The following SLC9A1 variants were observed in gnomAD, a reference collection of about 807,000 sequenced individuals.
SLC9A1 encodes the protein solute carrier family 9 member A1, also known as sodium/hydrogen exchanger 1.
SLC9A1 carries 22 observed loss-of-function variants against 67.9 expected under a neutral mutation model. The ratio of observed to expected loss-of-function variants is 0.32; its 90% CI spans 0.23 to 0.46. The LOEUF (loss-of-function observed/expected upper bound fraction) is 0.46. SLC9A1 is among the 20% of genes least tolerant of loss of function. The probability of loss-of-function intolerance (pLI) is 1.00; values close to 1 mark genes in which losing one functional copy is unlikely to be tolerated. For missense variants in SLC9A1, 686 were observed against 1,094.8 expected (o/e 0.63, Z 5.27); for synonymous variants, 421 against 471.8 (o/e 0.89, Z 1.40).
At chr1:27,108,050 G>A (rs2083201955) in intron 3 of SLC9A1, among the ~76,000 whole-genome samples, 185 bp from the exon 4 acceptor site, 2 of 151,070 alleles carry the variant, frequency 1.3e-5, no homozygotes, top group African/African-American at 4.9e-5. Context: ...TATAGACACG[G>A]TGTATTCCTC....
chr1:27,120,696 C>T (rs1314660881), intron 1 of SLC9A1, among the ~76,000 whole-genome samples: 1 of 151,988 alleles, frequency 6.6e-6, no homozygotes, highest in Non-Finnish European at 1.5e-5. Context: ...CGAGATCACA[C>T]CATGGCACTC....
In SLC9A1 at chr1:27,154,442, GAA is replaced by G. The variant is rs1267873247; in HGVS notation, c.-110_-109del. 9.2e-6 allele frequency: 6 copies of G among 652,644 alleles called. No homozygotes were observed. The highest frequency in any genetic ancestry group is 1.2e-5 in the Non-Finnish European group (5 of 402,498). The allele number at this position is 652,644 out of a possible 1,614,324, so 40.4% of individuals were successfully genotyped here. A position where few individuals can be genotyped will look rare whatever the true frequency, so the allele number is the denominator to read the frequency against. On this transcript the variant is annotated 5_prime_UTR_variant, in exon 1 of 12. An upstream open reading frame in the 5' UTR loses its in-frame stop. Coordinates refer to ENST00000263980, the MANE Select transcript of SLC9A1 (RefSeq NM_003047.5). ...GAAGAGAGACTGGCGTAGTCTCTAG[GAA>G]AAGTTCATGTTTTAGAGAGGCATTT...
At chr1:27,126,228 C>T (rs1570868619) in intron 1 of SLC9A1, among the ~76,000 whole-genome samples, 1 of 150,948 alleles carries the variant, frequency 6.6e-6, no homozygotes, top group East Asian at 1.9e-4. Context: ...CTGACCGTTC[C>T]CCACCCAGAA....
In SLC9A1 at chr1:27,106,054, A is replaced by G. The variant is rs1460141433; in HGVS notation, c.1316T>C (p.Phe439Ser). 9 of 1,613,406 alleles carry G rather than the reference A, an allele frequency of 5.6e-6. No homozygotes were observed. The highest frequency in any genetic ancestry group is 7.6e-6 in the Non-Finnish European group (9 of 1,179,960). ...VLGLTWFINK[F>S]RIVKLTPKDQ... ...CTTGGGGGTCAGCTTCACGATACGG[A>G]ACTTGTTGATGAACCAGGTCAGGCC... is the stretch of plus-strand genomic sequence containing the variant. Residue 439 changes from phenylalanine (F) to serine (S), a missense_variant, in exon 5 of 12, where the codon TTC becomes TCC. Physicochemically the swap from Phe to Ser is radical, Grantham distance 155. Coordinates refer to ENST00000263980, the MANE Select transcript of SLC9A1 (RefSeq NM_003047.5). The surrounding 1 kb of genome is among the most constrained non-coding windows in gnomAD (Gnocchi z 4.3).
chr1:27,137,000 A>T (rs951956810), intron 1 of SLC9A1, among the ~76,000 whole-genome samples: 1 of 152,232 alleles, frequency 6.6e-6, no homozygotes, highest in Non-Finnish European at 1.5e-5. Flanking sequence ...CCTCGTTGCC[A>T]TTCCATTGTA....
Position 27,105,978 on chromosome 1 carries a change from A to C in SLC9A1, c.1392T>G (p.Ser464=), listed in dbSNP as rs146731935. The change falls in exon 5 of 12, where the codon TCT becomes TCG. Residue 464 remains serine, a synonymous_variant. Coordinates refer to ENST00000263980, the MANE Select transcript of SLC9A1 (RefSeq NM_003047.5). ...GCTTCTTGTCCAGGAGGTAGCCCAG[A>C]GAGAAGGCGATGGCCCCTCGCAGGC... ...YGGLRGAIAF[S]LGYLLDKKHF... The C allele has an allele frequency of 1.4e-4, 226 of 1,613,590 alleles. No homozygotes were observed. The highest frequency in any genetic ancestry group is 1.8e-4 in the Non-Finnish European group (209 of 1,179,988).
intron 1 of SLC9A1, among the ~76,000 whole-genome samples, chr1:27,123,790 C>A (rs539629710): frequency 1.6e-4 from 25 of 151,914 alleles, no homozygotes; most frequent in African/African-American, 5.8e-4. Context: ...GGATTACAGG[C>A]GTGAGCCACC....
At chr1:27,152,082 A>T (rs188805788) in intron 1 of SLC9A1, among the ~76,000 whole-genome samples, 10 of 152,324 alleles carry the variant, frequency 6.6e-5, no homozygotes, top group Admixed American at 2.6e-4. Context: ...AGGTAGGAAG[A>T]GAAGCCAGGT....
At chr1:27,130,816 C>A (rs938973702) in intron 1 of SLC9A1, among the ~76,000 whole-genome samples, 1 of 152,222 alleles carries the variant, frequency 6.6e-6, no homozygotes, top group African/African-American at 2.4e-5. Flanking sequence ...TGCCCTCAAG[C>A]CGGGCCTGGT....
rs940126091 is a variant in SLC9A1, at chr1:27,154,439, T to C, written c.-105A>G. 8.5e-5 allele frequency: 56 copies of C among 655,074 alleles called. No individual in the cohort carries two copies. The highest frequency in any genetic ancestry group is 1.2e-4 in the Non-Finnish European group (49 of 405,238). 40.6% of individuals were successfully genotyped at this position (655,074 alleles called of 1,614,324 possible). On this transcript the variant is annotated 5_prime_UTR_variant, in exon 1 of 12. An upstream open reading frame in the 5' UTR loses its in-frame stop. Transcript: ENST00000263980. ...TGGGAAGAGAGACTGGCGTAGTCTC[T>C]AGGAAAAGTTCATGTTTTAGAGAGG...
intron 1 of SLC9A1, among the ~76,000 whole-genome samples, chr1:27,125,693 C>T (rs1433793243): frequency 6.6e-6 from 1 of 152,150 alleles, no homozygotes; most frequent in African/African-American, 2.4e-5. Context: ...CTCCTGGGTT[C>T]AAGCGATTCT....
Position 27,102,393 on chromosome 1 carries a change from G to C in SLC9A1, c.1812C>G (p.Val604=). ...MGKIPSAVST[V]SMQNIHPKSL... ...GTTGCCCCAGCACTCACTGCATGGA[G>C]ACGGTGGAGACGGCAGAGGGGATCT... is the stretch of plus-strand genomic sequence containing the variant. The change falls in exon 8 of 12, where the codon GTC becomes GTG. Residue 604 remains valine, a synonymous_variant. Coordinates refer to ENST00000263980, the MANE Select transcript of SLC9A1 (RefSeq NM_003047.5). 6.3e-7 allele frequency: 1 copy of C among 1,589,582 alleles called. No individual in the cohort carries two copies. Among genetic ancestry groups the C allele is most frequent in the Non-Finnish European group, 8.6e-7 (1 of 1,162,700 alleles).
rs2083183721 is a variant in SLC9A1, at chr1:27,106,143, C to G, written c.1283-56G>C. On this transcript the variant is annotated intron_variant, in intron 4 of 11. Coordinates refer to ENST00000263980, the MANE Select transcript of SLC9A1 (RefSeq NM_003047.5). The surrounding 1 kb of genome is among the most constrained non-coding windows in gnomAD (Gnocchi z 4.3). ...CAGGTCGGGCTGTCCCCAGTCCCTCCTGGATTCTGCATCAGTGATTTCTCT... is the reference window on the plus strand; with the variant it reads ...CAGGTCGGGCTGTCCCCAGTCCCTCGTGGATTCTGCATCAGTGATTTCTCT... 2.7e-6 allele frequency: 3 copies of G among 1,127,096 alleles called. No individual in the cohort carries two copies. Among genetic ancestry groups the G allele is most frequent in the Admixed American group, 1.9e-5 (1 of 51,896 alleles). 69.8% of individuals were successfully genotyped at this position (1,127,096 alleles called of 1,614,324 possible).
intron 1 of SLC9A1, among the ~76,000 whole-genome samples, chr1:27,115,327 A>T (rs929399660): frequency 6.6e-6 from 1 of 152,082 alleles, no homozygotes; most frequent in South Asian, 2.1e-4. Flanking sequence ...AGTAGCAAAA[A>T]TCCCCGTTGA....
chr1:27,140,147 C>T (rs946203016), intron 1 of SLC9A1, among the ~76,000 whole-genome samples: 1 of 151,918 alleles, frequency 6.6e-6, no homozygotes, highest in Non-Finnish European at 1.5e-5. Context: ...GAAGCCTTTC[C>T]TGACCCACCC....
Position 27,101,823 on chromosome 1 carries a change from G to A in SLC9A1, c.1939C>T (p.Arg647Trp), listed in dbSNP as rs774782841. ...ACCAGCGTGTGTCTGTTGTAGGACC[G>A]CAGCTGTGGGAGGGACAGCGTCAGG... ...NNLQKTRQRL[R>W]SYNRHTLVAD... Residue 647 changes from arginine (R) to tryptophan (W), a missense_variant, in exon 10 of 12, where the codon CGG becomes TGG. By Grantham distance (101) the Arg-to-Trp change is moderately radical (BLOSUM62 -3). This residue lies in a region of SLC9A1 where 226 missense variants were observed against 282.4 expected (regional missense o/e 0.80). Transcript: ENST00000263980. This position sits in a 1 kb window ranked among gnomAD's most constrained non-coding sequence, Gnocchi z 4.9. 3.7e-6 allele frequency: 6 copies of A among 1,609,276 alleles called. No homozygotes were observed. Among genetic ancestry groups the A allele is most frequent in the South Asian group, 2.2e-5 (2 of 90,928 alleles).
At position 27,139,832 on chromosome 1, in the gene SLC9A1, G is replaced by A. The variant is rs116729463; in HGVS notation, c.352+14151C>T. The stretch of plus-strand genomic sequence containing the variant: ...TTTTTTGAAACAGAGTTTCGCTGTC[G>A]CCCAGGCTAGAGTGCAGTGAGGCGA... On this transcript the variant is annotated intron_variant, in intron 1 of 11. Transcript: ENST00000263980. Among the ~76,000 whole-genome samples the A allele has an allele frequency of 7.3e-3, 1,081 of 148,448 alleles. 17 individuals carry two copies. Among genetic ancestry groups the A allele is most frequent in the African/African-American group, 0.026 (1,048 of 40,066 alleles).
chr1:27,117,614 C>T (rs370666110), intron 1 of SLC9A1, among the ~76,000 whole-genome samples: 72 of 152,278 alleles, frequency 4.7e-4, no homozygotes, highest in African/African-American at 1.5e-3. Context: ...AACATGAAGA[C>T]GGCTCCTCAG....
In SLC9A1 at chr1:27,114,478, C is replaced by T. The variant is rs991983076; in HGVS notation, c.353-192G>A. ...AATGGAAGGGACAATGCTAGCTTCA[C>T]AGGTTTGCCATCATAAACCAAGTGA... On this transcript the variant is annotated intron_variant, in intron 1 of 11. Coordinates refer to ENST00000263980, the MANE Select transcript of SLC9A1 (RefSeq NM_003047.5). The surrounding 1 kb of genome is among the most constrained non-coding windows in gnomAD (Gnocchi z 5.4). 1.3e-5 allele frequency among the ~76,000 whole-genome samples: 2 copies of T among 152,224 alleles called. No homozygotes were observed. Among genetic ancestry groups the T allele is most frequent in the African/African-American group, 2.4e-5 (1 of 41,460 alleles).
Sources: allele counts gnomAD v4.1 joint callset (sites outside exome capture counted in the v4.1 genomes callset), GRCh38; gene constraint gnomAD v4.1.1; regional missense constraint gnomAD v4.1.1; non-coding constraint Gnocchi (gnomAD v3.1); transcripts MANE v1.5; gene names NCBI Gene and HGNC (gene_info 2026-07-23, HGNC 2026-07-21).